ARHGAP22: variants seen among roughly 807,000 people sequenced by gnomAD.
ARHGAP22 encodes the protein rho GTPase-activating protein 22.
In ARHGAP22, 48 loss-of-function variants were observed where a neutral mutation model predicts 59.1. The observed-to-expected ratio is 0.81, with a 90% CI of 0.64 to 1.03. The LOEUF is 1.03. ARHGAP22 is among the 50% of genes least tolerant of loss of function. The probability of loss-of-function intolerance (pLI) is 0.00; values close to 1 mark genes in which losing one functional copy is unlikely to be tolerated. For synonymous variants in ARHGAP22, 445 were observed against 416.4 expected (o/e 1.07, Z -0.84); for missense variants, 1,015 against 958.7 (o/e 1.06, Z -0.78).
At chr10:48,621,352 A>G (rs1167025130) in intron 1 of ARHGAP22, among the ~76,000 whole-genome samples, 1 of 152,210 alleles carries the variant, frequency 6.6e-6, no homozygotes, top group Non-Finnish European at 1.5e-5. Flanking sequence ...AATACTTTTC[A>G]GATCATTTAT....
At chr10:48,441,734 G>C (rs1057434586), downstream of ARHGAP22, among the ~76,000 whole-genome samples, 7 of 152,194 alleles carry the variant, frequency 4.6e-5, no homozygotes, top group Admixed American at 4.6e-4. Flanking sequence ...TTACAGGCGT[G>C]AGCCACCGCG....
At chr10:48,518,315 C>A (rs1161439271) in intron 3 of ARHGAP22, among the ~76,000 whole-genome samples, 2 of 152,202 alleles carry the variant, frequency 1.3e-5, no homozygotes, top group African/African-American at 4.8e-5. Flanking sequence ...GCCTTCCCAG[C>A]AGCAAGCATA....
chr10:48,622,978 T>G (rs960746140), intron 1 of ARHGAP22, among the ~76,000 whole-genome samples: 1 of 152,256 alleles, frequency 6.6e-6, no homozygotes, highest in African/African-American at 2.4e-5. Context: ...TACTCAATGC[T>G]TATTCTCAGA....
chr10:48,452,875 C>T (rs1244393588), intron 8 of ARHGAP22, among the ~76,000 whole-genome samples: 1 of 152,204 alleles, frequency 6.6e-6, no homozygotes, highest in Non-Finnish European at 1.5e-5. Flanking sequence ...TTTTTAATCA[C>T]TTATTGTTAT....
intron 1 of ARHGAP22, among the ~76,000 whole-genome samples, chr10:48,626,778 G>A (rs189015036): frequency 5.6e-4 from 86 of 152,306 alleles, no homozygotes; most frequent in African/African-American, 2.0e-3. Flanking sequence ...CTGAGTAACA[G>A]AAGTGAGGGG....
intron 1 of ARHGAP22, among the ~76,000 whole-genome samples, chr10:48,590,591 C>T (rs1390410292): frequency 6.6e-5 from 10 of 152,250 alleles, no homozygotes; most frequent in East Asian, 3.9e-4. Flanking sequence ...TATATTGCTG[C>T]AGCCCTGAGC....
At chr10:48,652,260 C>T in exon 1 of ARHGAP22, 1 of 1,535,644 alleles carries the variant, frequency 6.5e-7, no homozygotes, top group East Asian at 2.4e-5. Flanking sequence ...AAACGTCCTC[C>T]TTTTGCTGGA....
At chr10:48,506,770 G>A (rs1307997044) in intron 3 of ARHGAP22, among the ~76,000 whole-genome samples, 3 of 152,112 alleles carry the variant, frequency 2.0e-5, no homozygotes, top group Non-Finnish European at 2.9e-5. Context: ...TGTGAATGGT[G>A]CCCCTAGAGT....
intron 2 of ARHGAP22, among the ~76,000 whole-genome samples, chr10:48,563,626 A>T (rs1276788412): frequency 6.6e-6 from 1 of 152,238 alleles, no homozygotes; most frequent in Non-Finnish European, 1.5e-5. Flanking sequence ...TCGGGGAGCC[A>T]TTATTCTACC....
intron 1 of ARHGAP22, among the ~76,000 whole-genome samples, chr10:48,633,656 A>C (rs1478996944): frequency 6.6e-6 from 1 of 152,238 alleles, no homozygotes; most frequent in Non-Finnish European, 1.5e-5. Context: ...ATCCACACCC[A>C]GGCCTGGCTT....
chr10:48,531,755 C>T lies in ARHGAP22; in HGVS notation c.322+23708G>A, dbSNP rs1354021192. Reference sequence around the variant, plus strand: ...TTAGTGGTTAAGCTCAGATTGGAACCCAGCCCATCTTGCTTTCTAGCCTGT... The same window carrying T: ...TTAGTGGTTAAGCTCAGATTGGAACTCAGCCCATCTTGCTTTCTAGCCTGT... On this transcript the variant is annotated intron_variant, in intron 3 of 9. Transcript: ENST00000249601. Among the ~76,000 whole-genome samples, 3 of 152,096 alleles carry T rather than the reference C, an allele frequency of 2.0e-5. No individual in the cohort carries two copies. In the East Asian group the frequency reaches 5.8e-4, roughly 29 times the overall value.
intron 3 of ARHGAP22, among the ~76,000 whole-genome samples, chr10:48,500,807 C>G (rs1349111667): frequency 6.6e-6 from 1 of 151,378 alleles, no homozygotes; most frequent in Admixed American, 6.6e-5. Flanking sequence ...AGGAGAATTC[C>G]TTGAACTCAG....
intron 3 of ARHGAP22, among the ~76,000 whole-genome samples, chr10:48,505,530 G>T (rs988376579): frequency 6.6e-6 from 1 of 151,968 alleles, no homozygotes. Context: ...CTGCTCTCCT[G>T]CCACCGAGCC....
At chr10:48,452,143 G>A (rs1030425149) in intron 8 of ARHGAP22, among the ~76,000 whole-genome samples, 1 of 152,200 alleles carries the variant, frequency 6.6e-6, no homozygotes. Context: ...TGGGGACTCA[G>A]TTCCTACGGT....
intron 2 of ARHGAP22, among the ~76,000 whole-genome samples, chr10:48,566,484 T>C (rs2058054046): frequency 6.6e-6 from 1 of 152,154 alleles, no homozygotes; most frequent in South Asian, 2.1e-4. Context: ...GATAATTGAG[T>C]TCTTGGTAAA....
intron 3 of ARHGAP22, among the ~76,000 whole-genome samples, chr10:48,494,470 G>GT (rs2050722469): frequency 6.6e-6 from 1 of 152,220 alleles, no homozygotes; most frequent in Non-Finnish European, 1.5e-5. Flanking sequence ...ACTTTGCTCA[G>GT]TAAGTACAGA....
intron 3 of ARHGAP22, among the ~76,000 whole-genome samples, chr10:48,486,986 T>C (rs552957272): frequency 2.6e-5 from 4 of 152,334 alleles, no homozygotes; most frequent in Non-Finnish European, 4.4e-5. Context: ...TTTTTTACTG[T>C]TTCACTAGTT....
At chr10:48,649,620 C>A (rs1337704220) in intron 1 of ARHGAP22, among the ~76,000 whole-genome samples, 1 of 152,158 alleles carries the variant, frequency 6.6e-6, no homozygotes, top group Non-Finnish European at 1.5e-5. Context: ...GACAACCAGG[C>A]AGACCAGTGG....
chr10:48,506,958 A>C (rs1378069153), intron 3 of ARHGAP22, among the ~76,000 whole-genome samples: 1 of 152,212 alleles, frequency 6.6e-6, no homozygotes, highest in Non-Finnish European at 1.5e-5. Flanking sequence ...CAAAGCTCAC[A>C]GGGCTGGGGA....
Sources: gnomAD v4.1 joint callset for allele counts (sites outside exome capture counted in the v4.1 genomes callset) on GRCh38, gnomAD v4.1.1 for gene constraint, MANE v1.5 for transcripts, NCBI Gene and HGNC (gene_info 2026-07-23, HGNC 2026-07-21) for gene names.